ITPK1: variants seen among roughly 807,000 people sequenced by gnomAD.
The protein encoded by ITPK1 is inositol 1,3,4-trisphosphate 5/6-kinase.
A neutral mutation model predicts 45.3 loss-of-function variants in ITPK1; 21 were observed. That is an observed-to-expected ratio of 0.46 (90% CI 0.33 to 0.67). The LOEUF is 0.67. Among genes scored for constraint, ITPK1 ranks in the 30% least tolerant of loss-of-function variants. The probability of loss-of-function intolerance (pLI) is 0.02; values close to 1 mark genes in which losing one functional copy is unlikely to be tolerated. For missense variants in ITPK1, 474 were observed against 573.5 expected (o/e 0.83, Z 1.77); for synonymous variants, 258 against 253.6 (o/e 1.02, Z -0.16).
Position 92,975,654 on chromosome 14 carries a change from A to G in ITPK1, c.365-12805T>C, listed in dbSNP as rs550417680. On this transcript the variant is annotated intron_variant, in intron 5 of 10. Transcript: ENST00000267615. The stretch of plus-strand genomic sequence containing the variant: ...CCCCAATGTGGGTGGAGCCTGTCCA[A>G]TCAGTCAAAGGCCTGAATAGAACAA... Among the ~76,000 whole-genome samples, 3 of 152,342 alleles carry G rather than the reference A, an allele frequency of 2.0e-5. No individual in the cohort carries two copies. In the South Asian group the frequency reaches 6.2e-4, roughly 32 times the overall value.
At chr14:92,962,976 A>C in intron 5 of ITPK1, 127 bp from the exon 6 acceptor site, 1 of 601,362 alleles carries the variant, frequency 1.7e-6, no homozygotes. Flanking sequence ...ACCGTCCCCA[A>C]CCTCTGCAGT....
In ITPK1 at chr14:93,034,239, G is replaced by A. The variant is rs1211817172; in HGVS notation, c.121-17438C>T. On this transcript the variant is annotated intron_variant, in intron 3 of 10. Coordinates refer to ENST00000267615, the MANE Select transcript of ITPK1 (RefSeq NM_014216.6). The surrounding 1 kb of genome is among the most constrained non-coding windows in gnomAD (Gnocchi z 4.1). ...CCACACAGCACCTGCAGCAGCCGGG[G>A]GTTCCCATGGCAAACCACCCACCCC... Among the ~76,000 whole-genome samples, 1 of 151,336 alleles carries A rather than the reference G, an allele frequency of 6.6e-6. No individual in the cohort carries two copies. Among genetic ancestry groups the A allele is most frequent in the Non-Finnish European group, 1.5e-5 (1 of 67,754 alleles).
chr14:93,090,642 AG>A (rs1891832387), intron 2 of ITPK1, among the ~76,000 whole-genome samples: 1 of 152,124 alleles, frequency 6.6e-6, no homozygotes, highest in Admixed American at 6.5e-5. Context: ...TTTTTTGGCC[AG>A]CGTTTTCTGG....
chr14:93,018,329 G>C (rs572731032), intron 3 of ITPK1, among the ~76,000 whole-genome samples: 1 of 152,204 alleles, frequency 6.6e-6, no homozygotes, highest in African/African-American at 2.4e-5. Flanking sequence ...TCAGGCCTAG[G>C]GGTGGTGACA....
chr14:92,940,765 A>C lies in ITPK1; in HGVS notation c.*796T>G. ...TGGAATGATTTGCCCAAATCACAGCACAAATCCTCAGCACAGGCGCCATCG... is the reference window on the plus strand; with the variant it reads ...TGGAATGATTTGCCCAAATCACAGCCCAAATCCTCAGCACAGGCGCCATCG... On this transcript the variant is annotated 3_prime_UTR_variant, in exon 11 of 11. Transcript: ENST00000267615. 7.8e-7 allele frequency: 1 copy of C among 1,289,206 alleles called. No individual in the cohort carries two copies. The highest frequency in any genetic ancestry group is 1.5e-5 in the African/African-American group (1 of 65,992). 79.9% of individuals were successfully genotyped at this position (1,289,206 alleles called of 1,614,324 possible).
At chr14:93,078,006 G>T (rs902345286) in intron 2 of ITPK1, among the ~76,000 whole-genome samples, 8 of 152,270 alleles carry the variant, frequency 5.3e-5, no homozygotes, top group Middle Eastern at 3.4e-3. Context: ...CTTGGAGCAG[G>T]GACTATGCCA....
intron 3 of ITPK1, among the ~76,000 whole-genome samples, chr14:93,048,304 G>A (rs138973077): frequency 1.7e-3 from 257 of 152,322 alleles, no homozygotes; most frequent in African/African-American, 5.8e-3. Flanking sequence ...CAGTCTTTAC[G>A]TCAAGGGTGC....
chr14:93,044,397 A>G (rs114211339), intron 3 of ITPK1, among the ~76,000 whole-genome samples: 9,535 of 152,330 alleles, frequency 0.063, 729 homozygotes, highest in African/African-American at 0.18. Context: ...GGGACCATGA[A>G]TAAGTTTGTG....
chr14:93,047,236 G>C (rs1889815747), intron 3 of ITPK1, among the ~76,000 whole-genome samples: 1 of 152,156 alleles, frequency 6.6e-6, no homozygotes, highest in Non-Finnish European at 1.5e-5. Context: ...AACTCCAGGG[G>C]GTTGACCCAC....
intron 3 of ITPK1, among the ~76,000 whole-genome samples, chr14:93,043,272 T>C (rs1954480358): frequency 6.6e-6 from 1 of 151,690 alleles, no homozygotes; most frequent in African/African-American, 2.4e-5. Flanking sequence ...GGAGATCGGA[T>C]TGAAATCCAC....
rs141915248 is a variant in ITPK1, at chr14:93,105,999, C to A, written c.95+9070G>T. Among the ~76,000 whole-genome samples the A allele has an allele frequency of 4.5e-3, 683 of 152,314 alleles. 3 individuals carry two copies. Among genetic ancestry groups the A allele is most frequent in the Non-Finnish European group, 6.7e-3 (459 of 68,026 alleles). The stretch of plus-strand genomic sequence containing the variant: ...GGATTATAGGCGTGAGCCACCACGC[C>A]CATCCCCTGGTGTCTCTTTTGTTGG... On this transcript the variant is annotated intron_variant, in intron 2 of 10. Transcript: ENST00000267615.
intron 2 of ITPK1, among the ~76,000 whole-genome samples, chr14:93,114,639 G>A (rs953972604): frequency 6.6e-6 from 1 of 152,210 alleles, no homozygotes; most frequent in Non-Finnish European, 1.5e-5. Context: ...CACATAGTAG[G>A]TGGTCCACAA....
intron 4 of ITPK1, among the ~76,000 whole-genome samples, chr14:93,006,582 G>T (rs1335550281): frequency 6.6e-6 from 1 of 152,154 alleles, no homozygotes; most frequent in African/African-American, 2.4e-5. Flanking sequence ...GGTCACTTCG[G>T]GTCATCCTCC....
At chr14:93,095,081 C>T (rs1483757210) in intron 2 of ITPK1, among the ~76,000 whole-genome samples, 2 of 152,306 alleles carry the variant, frequency 1.3e-5, no homozygotes, top group East Asian at 1.9e-4. Context: ...TAACACTTCA[C>T]CTCCTGTCTC....
Position 93,012,029 on chromosome 14 carries a change from C to T in ITPK1, c.246+4647G>A, listed in dbSNP as rs148373853. Among the ~76,000 whole-genome samples the T allele has an allele frequency of 2.3e-4, 35 of 152,284 alleles. No homozygotes were observed. The East Asian group carries it at 5.6e-3, about 25-fold the overall frequency. Reference sequence around the variant, plus strand: ...CAGGCAGCGCCATCTGCCTCATTAACGCTCCTGGCCTCCTCCCTCCCCGCT... The same window carrying T: ...CAGGCAGCGCCATCTGCCTCATTAATGCTCCTGGCCTCCTCCCTCCCCGCT... On this transcript the variant is annotated intron_variant, in intron 4 of 10. Transcript: ENST00000267615. The surrounding 1 kb of genome is among the most constrained non-coding windows in gnomAD (Gnocchi z 4.9).
At chr14:93,054,304 CTGAT>C (rs1890137931) in intron 3 of ITPK1, among the ~76,000 whole-genome samples, 1 of 152,212 alleles carries the variant, frequency 6.6e-6, no homozygotes, top group Non-Finnish European at 1.5e-5. Flanking sequence ...TTTTAATAAA[CTGAT>C]TGACAGAAAC....
chr14:93,069,864 C>G (rs1890918150), intron 3 of ITPK1: 1 of 152,282 alleles, frequency 6.6e-6, no homozygotes, highest in Non-Finnish European at 1.5e-5. Flanking sequence ...AGCAAGCCAG[C>G]CAGCACCAGC....
rs78922952 is a variant in ITPK1, at chr14:93,009,519, G to A, written c.246+7157C>T. 1.0e-3 allele frequency among the ~76,000 whole-genome samples: 156 copies of A among 152,306 alleles called. 2 individuals carry two copies. The East Asian group carries it at 0.028, about 27-fold the overall frequency. ...CCACAAGGGGAAGCAACTGCAACGG[G>A]CTAACGGCACAGAATGGTCCCACCC... On this transcript the variant is annotated intron_variant, in intron 4 of 10. Transcript: ENST00000267615.
intron 5 of ITPK1, among the ~76,000 whole-genome samples, chr14:92,977,351 G>A (rs762206075): frequency 6.6e-6 from 1 of 152,220 alleles, no homozygotes; most frequent in African/African-American, 2.4e-5. Context: ...AATACTGGAG[G>A]AGTGACATGT....
Sources: gnomAD v4.1 joint callset for allele counts (sites outside exome capture counted in the v4.1 genomes callset) on GRCh38, gnomAD v4.1.1 for gene constraint, Gnocchi (gnomAD v3.1) non-coding constraint, MANE v1.5 for transcripts, NCBI Gene and HGNC (gene_info 2026-07-23, HGNC 2026-07-21) for gene names.